The following C8B variants were observed in gnomAD, a reference collection of about 807,000 sequenced individuals.
C8B encodes complement C8 beta chain.
A neutral mutation model predicts 64.6 loss-of-function variants in C8B; 67 were observed. That is an observed-to-expected ratio of 1.04 (90% CI 0.85 to 1.27). C8B has a LOEUF of 1.27. C8B is among the 50% of genes most tolerant of loss of function. The pLI is 0.00. For missense variants in C8B, 790 were observed against 725.2 expected, an observed-to-expected ratio of 1.09 and a Z score of -1.03; for synonymous variants, 284 against 257.7, an observed-to-expected ratio of 1.10 and a Z score of -0.98.
intron 2 of C8B, chr1:56,959,797 T>C: frequency 1.4e-6 from 1 of 733,218 alleles, no homozygotes; most frequent in South Asian, 1.8e-5. Flanking sequence ...ATTAGGAAGC[T>C]AGTAGAGTGA....
At chr1:56,936,123 C>T (rs1644771421) in intron 9 of C8B, among the ~76,000 whole-genome samples, 1 of 152,234 alleles carries the variant, frequency 6.6e-6, no homozygotes, top group African/African-American at 2.4e-5. Context: ...TGCCTTTACA[C>T]ATACATCTTT....
intron 8 of C8B, 33 bp downstream of exon 8, chr1:56,943,663 T>A: frequency 6.2e-7 from 1 of 1,613,406 alleles, no homozygotes. Flanking sequence ...ATAAACATTA[T>A]AAGTGTGGAA....
intron 6 of C8B, among the ~76,000 whole-genome samples, chr1:56,947,107 C>T (rs1644953804): frequency 6.6e-6 from 1 of 152,194 alleles, no homozygotes; most frequent in South Asian, 2.1e-4. Context: ...TCCCTAATCT[C>T]CTTCCTTTCT....
Position 56,945,840 on chromosome 1 carries a change from T to G in C8B, c.1086A>C (p.Lys362Asn). 1 of 1,614,150 alleles carries G rather than the reference T, an allele frequency of 6.2e-7. No homozygotes were observed. Among genetic ancestry groups the G allele is most frequent in the Non-Finnish European group, 8.5e-7 (1 of 1,180,008 alleles). ...GTATACCTCCTCTCTCCATGGCCTCTTTGTTCATAACGAGGGTGTATTCAT... is the reference window on the plus strand; with the variant it reads ...GTATACCTCCTCTCTCCATGGCCTCGTTGTTCATAACGAGGGTGTATTCAT... ...GIYEYTLVMN[K>N]EAMERGDYTL... The change falls in exon 7 of 12, where the codon AAA (lysine) becomes AAC (asparagine). Residue 362 changes from lysine to asparagine, a missense_variant. Transcript: ENST00000371237.
At chr1:56,958,086 G>A (rs1645127748) in intron 2 of C8B, among the ~76,000 whole-genome samples, 1 of 152,130 alleles carries the variant, frequency 6.6e-6, no homozygotes, top group South Asian at 2.1e-4. Flanking sequence ...GGGGAGAAGA[G>A]CACAAGTAGG....
chr1:56,954,513 A>G lies in C8B; in HGVS notation c.533+173T>C, dbSNP rs76169802. 1.9e-3 allele frequency among the ~76,000 whole-genome samples: 294 copies of G among 152,222 alleles called. 1 individual carries two copies. Among genetic ancestry groups the G allele is most frequent in the Non-Finnish European group, 3.4e-3 (231 of 68,008 alleles). On this transcript the variant is annotated intron_variant, in intron 4 of 11. Coordinates refer to ENST00000371237, the MANE Select transcript of C8B (RefSeq NM_000066.4). ...ATCTGTCCATGGGACGTGTTCCTGGAGCTGCTTGGAACTGCCCTCAGAGAG... is the reference window on the plus strand; with the variant it reads ...ATCTGTCCATGGGACGTGTTCCTGGGGCTGCTTGGAACTGCCCTCAGAGAG...
intron 11 of C8B, 96 bp from the exon 12 acceptor site, chr1:56,929,654 G>C (rs888373378): frequency 8.3e-7 from 1 of 1,197,750 alleles, no homozygotes; most frequent in African/African-American, 1.5e-5. Flanking sequence ...AAGGCTTTGG[G>C]AGTCTGAATC....
chr1:56,964,231 C>G (rs1645219584), intron 1 of C8B, among the ~76,000 whole-genome samples: 2 of 152,212 alleles, frequency 1.3e-5, no homozygotes, highest in Admixed American at 1.3e-4. Context: ...CCTCCACTCC[C>G]TACCTCAGAG....
chr1:56,954,941 G>A lies in C8B; in HGVS notation c.392-114C>T, dbSNP rs566353642. 9.4e-6 allele frequency: 11 copies of A among 1,168,824 alleles called. No homozygotes were observed. The East Asian group carries it at 2.1e-4, about 22-fold the overall frequency. The allele number at this position is 1,168,824 out of a possible 1,614,324, so 72.4% of individuals were successfully genotyped here. A position where few individuals can be genotyped will look rare whatever the true frequency, so the allele number is the denominator to read the frequency against. ...TTTGTCAGGCCTTGCATGCTGCCCT[G>A]TTTTAATTAGTCATCCTGTATCCAG... On this transcript the variant is annotated intron_variant, in intron 3 of 11. Coordinates refer to ENST00000371237, the MANE Select transcript of C8B (RefSeq NM_000066.4).
rs74572588 is a variant in C8B, at chr1:56,951,419, A to G, written c.666+629T>C. Among the ~76,000 whole-genome samples, 612 of 152,048 alleles carry G rather than the reference A, an allele frequency of 4.0e-3. 9 individuals are homozygous for G. Among genetic ancestry groups the G allele is most frequent in the African/African-American group, 0.014 (585 of 41,474 alleles). On this transcript the variant is annotated intron_variant, in intron 5 of 11. Transcript: ENST00000371237. The stretch of plus-strand genomic sequence containing the variant: ...ACCCAGTGTGTTCCCATCGGATCTC[A>G]AGTGTGTGTGTCCTATGGGCTATTC...
chr1:56,960,987 G>T (rs1361736646), intron 1 of C8B, among the ~76,000 whole-genome samples: 2 of 151,894 alleles, frequency 1.3e-5, no homozygotes, highest in African/African-American at 4.8e-5. Flanking sequence ...GGAAAGCTAT[G>T]GAAGAGGAGG....
In C8B at chr1:56,932,011, G is replaced by A. The variant is rs952091608; in HGVS notation, c.1553-133C>T. 9 of 691,174 alleles carry A rather than the reference G, an allele frequency of 1.3e-5. 2 individuals carry two copies. Among genetic ancestry groups the A allele is most frequent in the South Asian group, 1.2e-4 (8 of 66,650 alleles). The allele number at this position is 691,174 out of a possible 1,614,324, so 42.8% of individuals were successfully genotyped here. A position where few individuals can be genotyped will look rare whatever the true frequency, so the allele number is the denominator to read the frequency against. ...TATTTAGTTAAATGGCTTGCTATAGGCAGGTTCAGGGCCAGGAATACCTAC... is the reference window on the plus strand; with the variant it reads ...TATTTAGTTAAATGGCTTGCTATAGACAGGTTCAGGGCCAGGAATACCTAC... On this transcript the variant is annotated intron_variant, in intron 10 of 11. Coordinates refer to ENST00000371237, the MANE Select transcript of C8B (RefSeq NM_000066.4).
intron 2 of C8B, 100 bp downstream of exon 2, chr1:56,959,920 G>A (rs370969042): frequency 1.6e-5 from 21 of 1,301,200 alleles, no homozygotes; most frequent in African/African-American, 1.2e-4. Flanking sequence ...ATTTATTGAG[G>A]GCCAACTATG....
At chr1:56,952,734 G>A (rs1156479386) in intron 4 of C8B, among the ~76,000 whole-genome samples, 1 of 152,152 alleles carries the variant, frequency 6.6e-6, no homozygotes, top group Admixed American at 6.5e-5. Context: ...AGGTGACCTT[G>A]GGCAAGCCAA....
At chr1:56,942,214 C>T (rs1644873240) in intron 8 of C8B, among the ~76,000 whole-genome samples, 1 of 152,204 alleles carries the variant, frequency 6.6e-6, no homozygotes, top group African/African-American at 2.4e-5. Flanking sequence ...AATTGTCTCA[C>T]TTCTTTGTGT....
chr1:56,959,955 C>T, intron 2 of C8B, 65 bp downstream of exon 2: 1 of 1,586,508 alleles, frequency 6.3e-7, no homozygotes. Flanking sequence ...AGCAATGGCT[C>T]AGCCGATCTT....
chr1:56,949,656 T>G lies in C8B; in HGVS notation c.763A>C (p.Ser255Arg). The change falls in exon 6 of 12, where the codon AGT becomes CGT. Residue 255 changes from serine (S) to arginine (R), a missense_variant. Physicochemically the swap from Ser to Arg is moderately radical, Grantham distance 110. Coordinates refer to ENST00000371237, the MANE Select transcript of C8B (RefSeq NM_000066.4). The part of the protein sequence containing the change: ...TEKMASKSGF[S>R]FGFKIPGIFE... ...ATTCCAGGTATTTTAAAACCAAAAC[T>G]GAAACCAGACTTGCTTGCCATTTTC... is the stretch of plus-strand genomic sequence containing the variant. 1.2e-6 allele frequency: 2 copies of G among 1,614,038 alleles called. No individual in the cohort carries two copies. The highest frequency in any genetic ancestry group is 2.2e-5 in the East Asian group (1 of 44,862).
At position 56,940,895 on chromosome 1, in the gene C8B, T is replaced by C. The variant is rs1194728650; in HGVS notation, c.1352A>G (p.Glu451Gly). ...QELPTADLMQ[E>G]WGDAVQYNPA... ...GTTGTACTGCACAGCGTCTCCCCAC[T>C]CCTGCATCAGGTCCGCCGTCGGCAG... is the stretch of plus-strand genomic sequence containing the variant. The change falls in exon 9 of 12, where the codon GAG becomes GGG. Residue 451 changes from glutamate (E) to glycine (G), a missense_variant. By Grantham distance (98) the Glu-to-Gly change is moderately conservative. Transcript: ENST00000371237. The C allele has an allele frequency of 6.2e-7, 1 of 1,613,938 alleles. No homozygotes were observed. The highest frequency in any genetic ancestry group is 1.1e-5 in the South Asian group (1 of 91,076).
chr1:56,959,754 G>C, intron 2 of C8B: 1 of 816,788 alleles, frequency 1.2e-6, no homozygotes, highest in Non-Finnish European at 1.9e-6. Flanking sequence ...ATGAAAGATT[G>C]ATTGAAAGAA....
Sources: gnomAD v4.1 joint callset for allele counts (sites outside exome capture counted in the v4.1 genomes callset) on GRCh38, gnomAD v4.1.1 for gene constraint, MANE v1.5 for transcripts, NCBI Gene and HGNC (gene_info 2026-07-23, HGNC 2026-07-21) for gene names.